ABCB4: variants seen among roughly 807,000 people sequenced by gnomAD.
The protein encoded by ABCB4 is ATP binding cassette subfamily B member 4, also known as phosphatidylcholine translocator ABCB4.
In ABCB4, 76 loss-of-function variants were observed where a neutral mutation model predicts 145.7. The observed-to-expected ratio is 0.52, with a 90% confidence interval of 0.43 to 0.63. The LOEUF (loss-of-function observed/expected upper bound fraction) is 0.63, where lower values mean the gene tolerates loss of function less well. Among genes scored for constraint, ABCB4 ranks in the 30% least tolerant of loss-of-function variants. The probability of loss-of-function intolerance (pLI) is 0.00; values close to 1 mark genes in which losing one functional copy is unlikely to be tolerated. For synonymous variants in ABCB4, 517 were observed against 566.8 expected (o/e 0.91, Z 1.25); for missense variants, 1,234 against 1,553.1 (o/e 0.79, Z 3.45).
intron 17 of ABCB4, chr7:87,423,626 A>G: frequency 4.6e-6 from 2 of 432,114 alleles, no homozygotes; most frequent in Non-Finnish European, 8.6e-6. Flanking sequence ...CAGATTGGGG[A>G]TCATTGTCTG....
At chr7:87,471,059 T>C (rs1289883735) in intron 3 of ABCB4, among the ~76,000 whole-genome samples, 1 of 152,182 alleles carries the variant, frequency 6.6e-6, no homozygotes, top group Non-Finnish European at 1.5e-5. Context: ...TGAGTTCATG[T>C]CCTTTGTAGG....
intron 9 of ABCB4, among the ~76,000 whole-genome samples, chr7:87,446,669 G>A (rs546940244): frequency 6.6e-6 from 1 of 152,236 alleles, no homozygotes; most frequent in South Asian, 2.1e-4. Context: ...ACATTTTCTT[G>A]TGCAATGACC....
chr7:87,387,777 C>A, the ABCB4 span, among the ~76,000 whole-genome samples: 1 of 152,104 alleles, frequency 6.6e-6, no homozygotes, highest in African/African-American at 2.4e-5. Context: ...CATGGTAAAA[C>A]CCCATCTCTA....
chr7:87,393,979 G>T, the ABCB4 span, among the ~76,000 whole-genome samples: 1 of 152,194 alleles, frequency 6.6e-6, no homozygotes, highest in Middle Eastern at 3.4e-3. Context: ...AATATATACA[G>T]ATACTAGTCT....
chr7:87,394,268 C>T, the ABCB4 span, among the ~76,000 whole-genome samples: 1 of 152,186 alleles, frequency 6.6e-6, no homozygotes. Flanking sequence ...TAATGCTAAT[C>T]ATCTCTGCAG....
chr7:87,445,765 T>C (rs1476476548), intron 9 of ABCB4, among the ~76,000 whole-genome samples: 1 of 152,174 alleles, frequency 6.6e-6, no homozygotes, highest in Non-Finnish European at 1.5e-5. Context: ...CCATCTGCAA[T>C]ACAGATAAGG....
At chr7:87,386,442 T>G in the ABCB4 span, among the ~76,000 whole-genome samples, 1 of 152,202 alleles carries the variant, frequency 6.6e-6, no homozygotes, top group Non-Finnish European at 1.5e-5. Flanking sequence ...TCCAATTTGT[T>G]GGCATATAGT....
Position 87,444,907 on chromosome 7 carries a change from GGCAAAA to G in ABCB4, c.1068_1073del (p.Phe357_Ala358del). The G allele has an allele frequency of 2.5e-6, 4 of 1,608,904 alleles. No homozygotes were observed. The highest frequency in any genetic ancestry group is 3.4e-6 in the Non-Finnish European group (4 of 1,179,486). Reference sequence around the variant, plus strand: ...TCACATATGCTGCTCCTCTTGCATTGGCAAAAGCATCAATACATGGGGCAGCCTGGC... The same window carrying G: ...TCACATATGCTGCTCCTCTTGCATTGGCATCAATACATGGGGCAGCCTGGC... On this transcript the variant is annotated inframe_deletion, in exon 10 of 28. Transcript: ENST00000649586.
intron 14 of ABCB4, among the ~76,000 whole-genome samples, chr7:87,438,970 A>G (rs1021569989): frequency 6.6e-6 from 1 of 152,150 alleles, no homozygotes; most frequent in Non-Finnish European, 1.5e-5. Context: ...TCTTAAATCA[A>G]ATATATTTAT....
downstream of ABCB4, chr7:87,398,190 C>T (rs1055020600): frequency 2.3e-6 from 1 of 426,918 alleles, no homozygotes; most frequent in Non-Finnish European, 4.5e-6. Context: ...CATATTCCAA[C>T]TCATTCCAGT....
chr7:87,369,948 G>A, the ABCB4 span, among the ~76,000 whole-genome samples: 1 of 142,790 alleles, frequency 7.0e-6, no homozygotes, highest in Non-Finnish European at 1.5e-5. Flanking sequence ...GATAACTCCC[G>A]TGTACCCATC....
At chr7:87,451,903 GC>G (rs1239255743) in intron 6 of ABCB4, 109 bp from the exon 7 acceptor site, 3 of 1,011,926 alleles carry the variant, frequency 3.0e-6, no homozygotes, top group Non-Finnish European at 4.7e-6. Flanking sequence ...CTGACTGCAA[GC>G]CTCTTTCAGA....
chr7:87,462,917 AGG>A lies in ABCB4; in HGVS notation c.136-11_136-10del. On this transcript the variant is annotated splice_polypyrimidine_tract_variant and intron_variant, in intron 3 of 27. Transcript: ENST00000649586. ...CAATCGGAGTATCGAAACTAAAAAA[AGG>A]AAATAAAATAATACTTAGCTGTGGA... The A allele has an allele frequency of 6.2e-7, 1 of 1,612,352 alleles. No individual in the cohort carries two copies. The highest frequency in any genetic ancestry group is 8.5e-7 in the Non-Finnish European group (1 of 1,178,530).
At chr7:87,439,631 A>T in intron 14 of ABCB4, 36 bp downstream of exon 14, 1 of 1,613,082 alleles carries the variant, frequency 6.2e-7, no homozygotes, top group South Asian at 1.1e-5. Context: ...ATAGGTTTCA[A>T]TGTGGTGGTC....
chr7:87,370,508 A>G, the ABCB4 span, among the ~76,000 whole-genome samples: 1 of 152,200 alleles, frequency 6.6e-6, no homozygotes, highest in Admixed American at 6.5e-5. Context: ...TAATATCATT[A>G]ACAGAGAATC....
At chr7:87,410,023 T>G (rs561327823) in intron 23 of ABCB4, among the ~76,000 whole-genome samples, 1 of 152,312 alleles carries the variant, frequency 6.6e-6, no homozygotes, top group South Asian at 2.1e-4. Flanking sequence ...CCCCATGACA[T>G]GAGTTTGCCT....
chr7:87,452,418 C>T (rs1811805683), intron 6 of ABCB4: 1 of 154,006 alleles, frequency 6.5e-6, no homozygotes, highest in South Asian at 1.8e-4. Context: ...GCTCAGGATG[C>T]CTTTGCCAGG....
At chr7:87,446,956 G>T in intron 9 of ABCB4, 78 bp downstream of exon 9, 1 of 1,318,866 alleles carries the variant, frequency 7.6e-7, no homozygotes, top group Non-Finnish European at 1.1e-6. Context: ...TCAAAAAGGA[G>T]CGATATCAAA....
intron 4 of ABCB4, among the ~76,000 whole-genome samples, chr7:87,456,301 G>A (rs901140850): frequency 6.6e-6 from 1 of 152,098 alleles, no homozygotes; most frequent in Admixed American, 6.5e-5. Flanking sequence ...TTGGATATTT[G>A]TTCCCTCCAA....
Sources: allele counts gnomAD v4.1 joint callset (sites outside exome capture counted in the v4.1 genomes callset), GRCh38; gene constraint gnomAD v4.1.1; transcripts MANE v1.5; gene names NCBI Gene and HGNC (gene_info 2026-07-23, HGNC 2026-07-21).